HELLS: variants seen among roughly 807,000 people sequenced by gnomAD.
The protein encoded by HELLS is lymphoid-specific helicase.
Under a neutral mutation model 120.0 loss-of-function variants are expected in HELLS, and 32 were observed. That is an observed-to-expected ratio of 0.27 (90% CI 0.20 to 0.36). HELLS has a LOEUF of 0.36. HELLS is among the 10% of genes least tolerant of loss of function. The pLI, the probability that HELLS is intolerant of heterozygous loss-of-function variation, is 1.00. For missense variants in HELLS, 650 were observed against 993.4 expected, an observed-to-expected ratio of 0.65 and a Z score of 4.65; for synonymous variants, 341 against 323.4, an observed-to-expected ratio of 1.05 and a Z score of -0.58.
In HELLS at chr10:94,546,388, C is replaced by T. The variant is rs756701970; in HGVS notation, c.43C>T (p.Pro15Ser). 4 of 1,614,092 alleles carry T rather than the reference C, an allele frequency of 2.5e-6. No individual in the cohort carries two copies. Among genetic ancestry groups the T allele is most frequent in the Non-Finnish European group, 3.4e-6 (4 of 1,180,018 alleles). Residue 15 changes from proline (P) to serine (S), a missense_variant, in exon 2 of 22, where the codon CCA becomes TCA. Pro to Ser is a moderately conservative substitution (Grantham distance 74, BLOSUM62 -1). Around this residue, in one of 9 missense-constraint regions of HELLS, gnomAD observed 90 missense variants for 93.6 expected, o/e 0.96. Transcript: ENST00000348459. ...TTCTCCCCCGTCAGGCTCGGAGGCT[C>T]CAGCAATGGTTGAACAACTGGACAC... ...RPAGSGGSEA[P>S]AMVEQLDTAV...
intron 2 of HELLS, chr10:94,550,940 ATATC>A (rs1842954054): frequency 6.6e-6 from 1 of 152,160 alleles, no homozygotes; most frequent in Non-Finnish European, 1.5e-5. Flanking sequence ...GGTATCAACT[ATATC>A]TAAGTTAAAC....
intron 17 of HELLS, among the ~76,000 whole-genome samples, chr10:94,593,086 ATCTT>A (rs914348337): frequency 2.6e-5 from 4 of 152,192 alleles, no homozygotes; most frequent in African/African-American, 9.7e-5. Flanking sequence ...CATTTGCTGA[ATCTT>A]TCTGACAAAT....
intron 10 of HELLS, among the ~76,000 whole-genome samples, chr10:94,580,338 C>T (rs1285091592): frequency 6.6e-6 from 1 of 151,232 alleles, no homozygotes. Context: ...TGTGCCACTA[C>T]GTCCAGCTAA....
rs1241776397 is a variant in HELLS, at chr10:94,549,950, C to T, written c.153+3452C>T. Among the ~76,000 whole-genome samples, 3 of 151,978 alleles carry T rather than the reference C, an allele frequency of 2.0e-5. No homozygotes were observed. The East Asian group carries it at 5.8e-4, about 29-fold the overall frequency. On this transcript the variant is annotated intron_variant, in intron 2 of 21. Coordinates refer to ENST00000348459, the MANE Select transcript of HELLS (RefSeq NM_018063.5). The stretch of plus-strand genomic sequence containing the variant: ...TTTTTATTTTTTTGAGACAGAGTTT[C>T]ACTCTTGTTGCCCAGGCTAGAGTGC...
chr10:94,558,154 GA>G lies in HELLS; in HGVS notation c.297del (p.Lys99AsnfsTer9). ...TGTCTTACAGGAACAGAAGAAGAAAGAAAAATTGGAGAGAAAAAAGGAGTCT... is the reference window on the plus strand; with the variant it reads ...TGTCTTACAGGAACAGAAGAAGAAAGAAAATTGGAGAGAAAAAAGGAGTCT... ...QQQLEEQKKKEKLERKKESLK... is the reference protein window; with the variant it reads ...QQQLEEQKKKXKLERKKESLK... On this transcript the variant is annotated frameshift_variant, in exon 4 of 22. Coordinates refer to ENST00000348459, the MANE Select transcript of HELLS (RefSeq NM_018063.5). LOFTEE classifies it high-confidence loss of function. 3 of 1,566,152 alleles carry G rather than the reference GA, an allele frequency of 1.9e-6. No homozygotes were observed. The highest frequency in any genetic ancestry group is 2.1e-5 in the Admixed American group (1 of 48,368).
At chr10:94,603,844 CT>C (rs1447913364), downstream of HELLS, among the ~76,000 whole-genome samples, 2 of 119,710 alleles carry the variant, frequency 1.7e-5, no homozygotes, top group Non-Finnish European at 3.7e-5. Context: ...TTTTTTTCCC[CT>C]TTTTTTGAGT....
intron 21 of HELLS, among the ~76,000 whole-genome samples, chr10:94,600,103 C>A (rs533775576): frequency 6.6e-6 from 1 of 151,938 alleles, no homozygotes. Flanking sequence ...CCAGCCTGGG[C>A]AACACGGTGA....
chr10:94,556,283 A>G (rs1185148682), intron 3 of HELLS, among the ~76,000 whole-genome samples: 2 of 152,126 alleles, frequency 1.3e-5, no homozygotes, highest in African/African-American at 4.8e-5. Context: ...TTGATTGTTG[A>G]GTGTGTAGGG....
At position 94,576,117 on chromosome 10, in the gene HELLS, C is replaced by CT. The variant is rs1213296153; in HGVS notation, c.889-536dup. ...CTGGCCCGTCTATTTGTTTTTATGC[C>CT]TTTTTTTTTGTCTTCAGACAGGATG... is the stretch of plus-strand genomic sequence containing the variant. On this transcript the variant is annotated intron_variant, in intron 9 of 21. Transcript: ENST00000348459. Among the ~76,000 whole-genome samples the CT allele has an allele frequency of 1.7e-3, 258 of 150,380 alleles. 1 individual carries two copies. Among genetic ancestry groups the CT allele is most frequent in the African/African-American group, 5.3e-3 (218 of 41,044 alleles).
At chr10:94,589,499 C>T (rs113551188) in intron 13 of HELLS, among the ~76,000 whole-genome samples, 2 of 152,078 alleles carry the variant, frequency 1.3e-5, no homozygotes, top group Non-Finnish European at 2.9e-5. Context: ...TTATTCATCA[C>T]CCACCATATT....
intron 6 of HELLS, among the ~76,000 whole-genome samples, chr10:94,564,168 A>G (rs968832866): frequency 3.3e-5 from 5 of 152,022 alleles, no homozygotes; most frequent in East Asian, 1.9e-4. Context: ...GACTCTACCT[A>G]TTATCTTGTG....
chr10:94,584,087 G>A, intron 12 of HELLS: 1 of 1,397,534 alleles, frequency 7.2e-7, no homozygotes, highest in Non-Finnish European at 9.5e-7. Context: ...ACGTCCATAT[G>A]AAAATACTTA....
At chr10:94,604,726 G>A (rs1224752007), downstream of HELLS, among the ~76,000 whole-genome samples, 3 of 151,956 alleles carry the variant, frequency 2.0e-5, no homozygotes, top group African/African-American at 4.8e-5. Context: ...GGCTGTGTAA[G>A]TATTATTAAA....
At chr10:94,589,755 T>C (rs1370780192) in intron 13 of HELLS, among the ~76,000 whole-genome samples, 1 of 149,926 alleles carries the variant, frequency 6.7e-6, no homozygotes, top group Non-Finnish European at 1.5e-5. Flanking sequence ...GGCATGATCT[T>C]GGCTTACTGC....
chr10:94,564,201 T>G lies in HELLS; in HGVS notation c.435+1325T>G, dbSNP rs1843683726. Among the ~76,000 whole-genome samples the G allele has an allele frequency of 1.3e-5, 2 of 152,210 alleles. 1 individual carries two copies. The highest frequency in any genetic ancestry group is 2.9e-5 in the Non-Finnish European group (2 of 68,042). On this transcript the variant is annotated intron_variant, in intron 6 of 21. Coordinates refer to ENST00000348459, the MANE Select transcript of HELLS (RefSeq NM_018063.5). ...GTGCTTGTTAAGTACCTAGTGGACT[T>G]GTATAGCATTTTGCAAGGAACTGTG...
At chr10:94,564,510 C>A (rs913039264) in intron 6 of HELLS, among the ~76,000 whole-genome samples, 1 of 152,172 alleles carries the variant, frequency 6.6e-6, no homozygotes, top group Non-Finnish European at 1.5e-5. Flanking sequence ...CTAAAACCAG[C>A]TTCTTTTTTT....
At chr10:94,551,368 G>A (rs906809565) in intron 2 of HELLS, among the ~76,000 whole-genome samples, 3 of 151,970 alleles carry the variant, frequency 2.0e-5, no homozygotes, top group African/African-American at 7.2e-5. Flanking sequence ...CAGTTCAAGA[G>A]CAGCCTGGCC....
At chr10:94,555,265 C>T (rs746329286) in intron 3 of HELLS, among the ~76,000 whole-genome samples, 12 of 151,992 alleles carry the variant, frequency 7.9e-5, no homozygotes, top group Non-Finnish European at 1.6e-4. Context: ...AGTGAAAACC[C>T]GTCTCTACCA....
chr10:94,564,058 C>T (rs1306799025), intron 6 of HELLS, among the ~76,000 whole-genome samples: 3 of 152,154 alleles, frequency 2.0e-5, no homozygotes, highest in African/African-American at 7.2e-5. Context: ...GATCCACCCG[C>T]CTTGGCCTCC....
Sources: allele counts gnomAD v4.1 joint callset (sites outside exome capture counted in the v4.1 genomes callset), GRCh38; gene constraint gnomAD v4.1.1; regional missense constraint gnomAD v4.1.1; transcripts MANE v1.5; gene names NCBI Gene and HGNC (gene_info 2026-07-23, HGNC 2026-07-21).